MEIKIN: variants seen among roughly 807,000 people sequenced by gnomAD.
MEIKIN encodes the protein meiotic kinetochore factor, also known as meiosis-specific kinetochore protein.
chr5:131,944,206 T>C (rs866834551), intron 3 of MEIKIN, among the ~76,000 whole-genome samples: 23 of 152,092 alleles, frequency 1.5e-4, no homozygotes, highest in African/African-American at 4.8e-4. Flanking sequence ...CCTAAATTAG[T>C]GCTGTACAAC....
At chr5:131,909,515 T>C (rs928793709) in intron 8 of MEIKIN, among the ~76,000 whole-genome samples, 2 of 152,148 alleles carry the variant, frequency 1.3e-5, no homozygotes, top group Admixed American at 1.3e-4. Flanking sequence ...GGCAAAGATA[T>C]CTTGAGTAAT....
At chr5:131,904,153 G>C (rs1449124693) in intron 8 of MEIKIN, among the ~76,000 whole-genome samples, 2 of 152,102 alleles carry the variant, frequency 1.3e-5, no homozygotes, top group African/African-American at 2.4e-5. Context: ...TAACACAGGA[G>C]CACCCAGATT....
At chr5:131,855,875 TCAAA>T (rs1359046312) in intron 9 of MEIKIN, among the ~76,000 whole-genome samples, 3 of 152,174 alleles carry the variant, frequency 2.0e-5, no homozygotes, top group East Asian at 1.9e-4. Flanking sequence ...AGAGTGATAG[TCAAA>T]CAGACAGAGA....
At chr5:131,811,894 C>T (rs1376461517) in intron 12 of MEIKIN, among the ~76,000 whole-genome samples, 2 of 152,138 alleles carry the variant, frequency 1.3e-5, no homozygotes, top group Admixed American at 1.3e-4. Flanking sequence ...GCGCCCAGCC[C>T]GGCCAACTTC....
intron 3 of MEIKIN, among the ~76,000 whole-genome samples, chr5:131,944,206 T>G (rs866834551): frequency 1.3e-5 from 2 of 151,992 alleles, no homozygotes; most frequent in Non-Finnish European, 2.9e-5. Context: ...CCTAAATTAG[T>G]GCTGTACAAC....
intron 11 of MEIKIN, among the ~76,000 whole-genome samples, chr5:131,819,968 G>A (rs1220921422): frequency 6.8e-6 from 1 of 147,852 alleles, no homozygotes; most frequent in Admixed American, 6.8e-5. Context: ...GTAGAGACGG[G>A]GTTTCACCGT....
intron 10 of MEIKIN, 73 bp downstream of exon 10, chr5:131,854,681 T>C (rs138779364): frequency 5.1e-6 from 2 of 395,742 alleles, no homozygotes; most frequent in Admixed American, 4.4e-5. Context: ...TTCCCTGATA[T>C]GAGAAAAATA....
At chr5:131,821,659 G>A (rs1173992297) in intron 11 of MEIKIN, among the ~76,000 whole-genome samples, 3 of 68,826 alleles carry the variant, frequency 4.4e-5, no homozygotes, top group East Asian at 3.0e-4. Context: ...TTTTTTTTGC[G>A]AGACAAGATT....
chr5:131,897,863 G>C (rs1489377355), intron 8 of MEIKIN, among the ~76,000 whole-genome samples: 1 of 152,110 alleles, frequency 6.6e-6, no homozygotes, highest in Non-Finnish European at 1.5e-5. Flanking sequence ...CTTTAGCTCA[G>C]AGAAGTTTGT....
intron 5 of MEIKIN, among the ~76,000 whole-genome samples, chr5:131,925,489 T>C (rs1033203036): frequency 2.0e-5 from 3 of 152,196 alleles, no homozygotes; most frequent in African/African-American, 7.2e-5. Flanking sequence ...CTTCTACTTC[T>C]TAAGTTTATT....
intron 9 of MEIKIN, among the ~76,000 whole-genome samples, chr5:131,862,668 G>T (rs1037566936): frequency 1.3e-4 from 20 of 151,904 alleles, no homozygotes; most frequent in African/African-American, 4.8e-4. Context: ...ATACGTTTTG[G>T]TGTTTCGTAT....
At chr5:131,813,602 T>C (rs539798640) in intron 12 of MEIKIN, among the ~76,000 whole-genome samples, 1 of 152,124 alleles carries the variant, frequency 6.6e-6, no homozygotes, top group East Asian at 1.9e-4. Flanking sequence ...AATTTTTTTG[T>C]ATTTTTAGTA....
At chr5:131,852,310 C>T (rs1370713766) in intron 10 of MEIKIN, among the ~76,000 whole-genome samples, 1 of 152,090 alleles carries the variant, frequency 6.6e-6, no homozygotes, top group Non-Finnish European at 1.5e-5. Flanking sequence ...CATGCTCTCT[C>T]CTCTGTTGCC....
intron 8 of MEIKIN, among the ~76,000 whole-genome samples, chr5:131,890,401 A>T (rs1750888728): frequency 6.6e-6 from 1 of 152,286 alleles, no homozygotes; most frequent in Admixed American, 6.5e-5. Flanking sequence ...CTACTCAGAG[A>T]TTCAACTTCT....
At chr5:131,945,339 C>A (rs757243036) in intron 1 of MEIKIN, 61 bp downstream of exon 1, 3 of 398,912 alleles carry the variant, frequency 7.5e-6, no homozygotes, top group Non-Finnish European at 1.3e-5. Context: ...CCCGCCCGCC[C>A]TCGGTCCCGT....
intron 11 of MEIKIN, among the ~76,000 whole-genome samples, chr5:131,830,111 T>G (rs767033747): frequency 6.6e-6 from 1 of 152,158 alleles, no homozygotes; most frequent in Non-Finnish European, 1.5e-5. Context: ...TTTATGAGAC[T>G]GGGCACAGTG....
chr5:131,859,544 C>T (rs999919613), intron 9 of MEIKIN, among the ~76,000 whole-genome samples: 13 of 152,132 alleles, frequency 8.5e-5, no homozygotes, highest in African/African-American at 3.1e-4. Flanking sequence ...CCTGCTTTTG[C>T]CATATGAAGT....
intron 6 of MEIKIN, among the ~76,000 whole-genome samples, chr5:131,920,261 C>T (rs1313874461): frequency 6.6e-6 from 1 of 152,052 alleles, no homozygotes; most frequent in Non-Finnish European, 1.5e-5. Context: ...AATAAGTAAT[C>T]AAATAAACAA....
chr5:131,942,588 T>C (rs1751891314), intron 4 of MEIKIN, 47 bp downstream of exon 4: 1 of 398,050 alleles, frequency 2.5e-6, no homozygotes, highest in African/African-American at 2.1e-5. Flanking sequence ...TGCTTATGTT[T>C]GGAGGAAAAA....
Sources: allele counts gnomAD v4.1 joint callset (sites outside exome capture counted in the v4.1 genomes callset), GRCh38; gene constraint gnomAD v4.1.1; transcripts MANE v1.5; gene names NCBI Gene and HGNC (gene_info 2026-07-23, HGNC 2026-07-21).